The following HS6ST3 variants were observed in gnomAD, a reference collection of about 807,000 sequenced individuals.
HS6ST3 encodes heparan-sulfate 6-O-sulfotransferase 3.
HS6ST3 carries 12 observed loss-of-function variants against 36.7 expected under a neutral mutation model. The observed-to-expected ratio is 0.33, with a 90% CI of 0.21 to 0.53. The LOEUF (loss-of-function observed/expected upper bound fraction) is 0.53. Ranked by LOEUF, HS6ST3 falls within the 20% of genes least tolerant of loss-of-function variation. The pLI, the probability that HS6ST3 is intolerant of heterozygous loss-of-function variation, is 0.95. For missense variants in HS6ST3, 584 were observed against 640.9 expected (o/e 0.91, Z 0.96); for synonymous variants, 240 against 257.5 (o/e 0.93, Z 0.65).
chr13:96,662,994 G>A (rs1459918378), intron 1 of HS6ST3, among the ~76,000 whole-genome samples: 3 of 152,152 alleles, frequency 2.0e-5, no homozygotes, highest in Non-Finnish European at 2.9e-5. Flanking sequence ...TAGTGGGCTG[G>A]TCTGTGGGAT....
chr13:96,102,794 T>C (rs2053824188), intron 1 of HS6ST3, among the ~76,000 whole-genome samples: 1 of 152,222 alleles, frequency 6.6e-6, no homozygotes, highest in African/African-American at 2.4e-5. Context: ...CCCTGCACTT[T>C]CGCAAGCAAG....
intron 1 of HS6ST3, among the ~76,000 whole-genome samples, chr13:96,553,952 C>A (rs1387697278): frequency 1.3e-5 from 2 of 152,212 alleles, no homozygotes; most frequent in Admixed American, 6.5e-5. Context: ...ACTATTGGTA[C>A]AATAAATCGC....
intron 1 of HS6ST3, among the ~76,000 whole-genome samples, chr13:96,627,468 T>C (rs2056516968): frequency 6.6e-6 from 1 of 152,004 alleles, no homozygotes; most frequent in African/African-American, 2.4e-5. Context: ...CCATGATTTG[T>C]ATTAGCCTAT....
At chr13:96,720,800 G>A (rs755148460) in intron 1 of HS6ST3, among the ~76,000 whole-genome samples, 2 of 152,174 alleles carry the variant, frequency 1.3e-5, no homozygotes, top group Non-Finnish European at 2.9e-5. Flanking sequence ...TGATGACATA[G>A]ATATGTTTTG....
chr13:96,134,304 AAT>A (rs2053990683), intron 1 of HS6ST3, among the ~76,000 whole-genome samples: 1 of 151,912 alleles, frequency 6.6e-6, no homozygotes, highest in African/African-American at 2.4e-5. Flanking sequence ...TATGTATTTT[AAT>A]ATCTTTTTCT....
At chr13:96,588,709 T>C (rs2056371251) in intron 1 of HS6ST3, among the ~76,000 whole-genome samples, 1 of 152,138 alleles carries the variant, frequency 6.6e-6, no homozygotes. Flanking sequence ...TGTAGTATGT[T>C]TGTGTTTAGT....
chr13:96,483,852 T>C (rs1475749401), intron 1 of HS6ST3, among the ~76,000 whole-genome samples: 1 of 152,170 alleles, frequency 6.6e-6, no homozygotes, highest in Non-Finnish European at 1.5e-5. Flanking sequence ...TTCTCTTGTG[T>C]TATCGTCTAG....
At chr13:96,668,234 C>A (rs1184758192) in intron 1 of HS6ST3, among the ~76,000 whole-genome samples, 1 of 152,042 alleles carries the variant, frequency 6.6e-6, no homozygotes, top group Non-Finnish European at 1.5e-5. Context: ...AATTTGAACC[C>A]TGGCAATCTG....
At chr13:96,788,752 T>C (rs1224712103) in intron 1 of HS6ST3, among the ~76,000 whole-genome samples, 2 of 151,906 alleles carry the variant, frequency 1.3e-5, no homozygotes, top group African/African-American at 2.4e-5. Flanking sequence ...CCTTGGTGAA[T>C]TGACCCTCTT....
chr13:96,640,432 A>T (rs915012834), intron 1 of HS6ST3, among the ~76,000 whole-genome samples: 7 of 151,700 alleles, frequency 4.6e-5, no homozygotes, highest in African/African-American at 1.2e-4. Context: ...TGCTTGTTCA[A>T]TTATTTAATT....
At chr13:96,396,887 G>T (rs1164586) in intron 1 of HS6ST3, among the ~76,000 whole-genome samples, 74,338 of 152,044 alleles carry the variant, frequency 0.49, 18,566 homozygotes, top group Middle Eastern at 0.59. Context: ...TAGATAAATA[G>T]GATCACCCTT....
At chr13:96,433,434 G>T (rs2055626127) in intron 1 of HS6ST3, among the ~76,000 whole-genome samples, 1 of 152,188 alleles carries the variant, frequency 6.6e-6, no homozygotes, top group Non-Finnish European at 1.5e-5. Flanking sequence ...GAATCCTGGG[G>T]TTGGTTTCCC....
chr13:96,090,825 G>A lies in HS6ST3; in HGVS notation c.-38G>A, dbSNP rs1205923753. ...GGCGCCCGTCCGCCCTGCCGCCGCC[G>A]CCGCCGCCGCTTCGCCTGCCGGCCT... On this transcript the variant is annotated 5_prime_UTR_variant, in exon 1 of 2. Coordinates refer to ENST00000376705, the MANE Select transcript of HS6ST3 (RefSeq NM_153456.4). 5 of 1,455,798 alleles carry A rather than the reference G, an allele frequency of 3.4e-6. No individual in the cohort carries two copies. The highest frequency in any genetic ancestry group is 1.3e-5 in the South Asian group (1 of 75,484). 90.2% of individuals were successfully genotyped at this position (1,455,798 alleles called of 1,614,324 possible).
At chr13:96,340,969 A>G (rs1294753099) in intron 1 of HS6ST3, among the ~76,000 whole-genome samples, 1 of 152,228 alleles carries the variant, frequency 6.6e-6, no homozygotes, top group Non-Finnish European at 1.5e-5. Flanking sequence ...CTGGTTGTAC[A>G]TGGAAAAATC....
At chr13:96,218,548 A>G (rs2054438835) in intron 1 of HS6ST3, among the ~76,000 whole-genome samples, 1 of 152,168 alleles carries the variant, frequency 6.6e-6, no homozygotes, top group African/African-American at 2.4e-5. Flanking sequence ...GGACCCTGTC[A>G]CTCACAGCCA....
intron 1 of HS6ST3, among the ~76,000 whole-genome samples, chr13:96,689,334 G>A (rs567787003): frequency 6.6e-6 from 1 of 151,960 alleles, no homozygotes; most frequent in South Asian, 2.1e-4. Flanking sequence ...CAAAATGTTG[G>A]GGACAATAAA....
chr13:96,224,446 A>G (rs534929746), intron 1 of HS6ST3, among the ~76,000 whole-genome samples: 7 of 152,146 alleles, frequency 4.6e-5, no homozygotes, highest in South Asian at 2.1e-4. Context: ...CTCAGCCTGC[A>G]GAGTAGCTGG....
chr13:96,523,468 T>G (rs373413517), intron 1 of HS6ST3, among the ~76,000 whole-genome samples: 5 of 152,204 alleles, frequency 3.3e-5, no homozygotes, highest in African/African-American at 1.2e-4. Flanking sequence ...TTTTCTAACT[T>G]GGTTCCCATT....
At position 96,765,166 on chromosome 13, in the gene HS6ST3, T is replaced by C. The variant is rs556081660; in HGVS notation, c.708-67324T>C. ...TCGGCTCACTGCAAGCTCCGCCTTCTGGGTTCACGCCATTCTCCTGCCTCA... is the reference window on the plus strand; with the variant it reads ...TCGGCTCACTGCAAGCTCCGCCTTCCGGGTTCACGCCATTCTCCTGCCTCA... On this transcript the variant is annotated intron_variant, in intron 1 of 1. Coordinates refer to ENST00000376705, the MANE Select transcript of HS6ST3 (RefSeq NM_153456.4). Among the ~76,000 whole-genome samples the C allele has an allele frequency of 2.9e-3, 441 of 149,538 alleles. 4 individuals are homozygous for C. The highest frequency in any genetic ancestry group is 8.8e-3 in the African/African-American group (356 of 40,546).
Sources: gnomAD v4.1 joint callset for allele counts (sites outside exome capture counted in the v4.1 genomes callset) on GRCh38, gnomAD v4.1.1 for gene constraint, MANE v1.5 for transcripts, NCBI Gene and HGNC (gene_info 2026-07-23, HGNC 2026-07-21) for gene names.